PCDHGA7: variants seen among roughly 807,000 people sequenced by gnomAD.
PCDHGA7 encodes the protein protocadherin gamma subfamily A, 7.
A neutral mutation model predicts 58.3 loss-of-function variants in PCDHGA7; 44 were observed. The observed-to-expected ratio is 0.75, with a 90% CI of 0.59 to 0.97. The LOEUF (loss-of-function observed/expected upper bound fraction) is 0.97, where lower values mean the gene tolerates loss of function less well. Ranked by LOEUF, PCDHGA7 falls within the 50% of genes least tolerant of loss-of-function variation. PCDHGA7 has a pLI of 0.00. For synonymous variants in PCDHGA7, 516 were observed against 504.2 expected (o/e 1.02, Z -0.31); for missense variants, 1,266 against 1,188.7 (o/e 1.06, Z -0.96).
chr5:141,389,695 A>G, intron 1 of PCDHGA7: 1 of 1,612,564 alleles, frequency 6.2e-7, no homozygotes, highest in Non-Finnish European at 8.5e-7. Context: ...TGGCTGTCCT[A>G]CCACGTGCTG....
chr5:141,491,616 C>T lies in PCDHGA7; in HGVS notation c.2425-3191C>T. 1 of 1,613,944 alleles carries T rather than the reference C, an allele frequency of 6.2e-7. No homozygotes were observed. Among genetic ancestry groups the T allele is most frequent in the South Asian group, 1.1e-5 (1 of 91,082 alleles). On this transcript the variant is annotated intron_variant, in intron 1 of 3. Coordinates refer to ENST00000518325, the MANE Select transcript of PCDHGA7 (RefSeq NM_018920.4). The surrounding 1 kb of genome is among the most constrained non-coding windows in gnomAD (Gnocchi z 6.9). ...GCAGTGACTTCACTTTTCTAAGACC[C>T]CTCAGCGTTCAGCAGCCCACAGCTC...
chr5:141,421,548 G>A, intron 1 of PCDHGA7: 19 of 1,613,984 alleles, frequency 1.2e-5, no homozygotes, highest in Non-Finnish European at 1.6e-5. Flanking sequence ...TTTTAAATAT[G>A]GAACTTCTCG....
rs753202774 is a variant in PCDHGA7, at chr5:141,487,875, C to A, written c.2425-6932C>A. 33 of 828,628 alleles carry A rather than the reference C, an allele frequency of 4.0e-5. No individual in the cohort carries two copies. Among genetic ancestry groups the A allele is most frequent in the Non-Finnish European group, 5.8e-5 (31 of 536,030 alleles). The allele number at this position is 828,628 out of a possible 1,614,324, so 51.3% of individuals were successfully genotyped here. A position where few individuals can be genotyped will look rare whatever the true frequency, so the allele number is the denominator to read the frequency against. The stretch of plus-strand genomic sequence containing the variant: ...AAGTAATTGGTGATCAAGAGCCAGG[C>A]TGTTGTGGAAGCATGATGATGGAAT... On this transcript the variant is annotated intron_variant, in intron 1 of 3. Coordinates refer to ENST00000518325, the MANE Select transcript of PCDHGA7 (RefSeq NM_018920.4). The surrounding 1 kb of genome is among the most constrained non-coding windows in gnomAD (Gnocchi z 5.0).
At position 141,431,211 on chromosome 5, in the gene PCDHGA7, G is replaced by C. The variant is rs1054638121; in HGVS notation, c.2424+45888G>C. Reference sequence around the variant, plus strand: ...AGTGAAAATGCAGCCACTGAGATGCGGTTCCCTCTACCCCACGCCTGGGAT... The same window carrying C: ...AGTGAAAATGCAGCCACTGAGATGCCGTTCCCTCTACCCCACGCCTGGGAT... On this transcript the variant is annotated intron_variant, in intron 1 of 3. Coordinates refer to ENST00000518325, the MANE Select transcript of PCDHGA7 (RefSeq NM_018920.4). This position sits in a 1 kb window ranked among gnomAD's most constrained non-coding sequence, Gnocchi z 4.8. 1.2e-6 allele frequency: 2 copies of C among 1,614,122 alleles called. No individual in the cohort carries two copies. Among genetic ancestry groups the C allele is most frequent in the Non-Finnish European group, 1.7e-6 (2 of 1,180,036 alleles).
At position 141,386,477 on chromosome 5, in the gene PCDHGA7, G is replaced by A. The variant is rs78371655; in HGVS notation, c.2424+1154G>A. ...GACAGCTTGAACCCAAGAATTGGAG[G>A]CCCACCTAGATAATATAACAAGACT... is the stretch of plus-strand genomic sequence containing the variant. On this transcript the variant is annotated intron_variant, in intron 1 of 3. Coordinates refer to ENST00000518325, the MANE Select transcript of PCDHGA7 (RefSeq NM_018920.4). Among the ~76,000 whole-genome samples the A allele has an allele frequency of 2.5e-3, 384 of 151,668 alleles. 1 individual carries two copies. Among genetic ancestry groups the A allele is most frequent in the African/African-American group, 8.8e-3 (362 of 41,292 alleles).
At chr5:141,467,344 C>A (rs2099142230) in intron 1 of PCDHGA7, among the ~76,000 whole-genome samples, 1 of 152,122 alleles carries the variant, frequency 6.6e-6, no homozygotes, top group South Asian at 2.1e-4. Flanking sequence ...TAAGCCACTG[C>A]CCCCGGCCAA....
At chr5:141,414,882 C>T (rs759814512) in intron 1 of PCDHGA7, 7 of 1,614,104 alleles carry the variant, frequency 4.3e-6, no homozygotes, top group East Asian at 4.5e-5. Context: ...TCCTGTACCC[C>T]GCCCTCCCCA....
chr5:141,395,407 G>A (rs1467176036), intron 1 of PCDHGA7: 1 of 826,654 alleles, frequency 1.2e-6, no homozygotes, highest in Non-Finnish European at 1.8e-6. Context: ...ATAGTCATAG[G>A]TTATTGTTTC....
intron 1 of PCDHGA7, among the ~76,000 whole-genome samples, chr5:141,467,823 T>A (rs1225960296): frequency 1.3e-5 from 2 of 152,012 alleles, no homozygotes; most frequent in African/African-American, 2.4e-5. Flanking sequence ...CACACCAGGC[T>A]GATTTTTATA....
chr5:141,500,574 G>A (rs2099801457), intron 2 of PCDHGA7, among the ~76,000 whole-genome samples: 1 of 152,164 alleles, frequency 6.6e-6, no homozygotes, highest in African/African-American at 2.4e-5. Context: ...ACACTTTCAT[G>A]TGACACTTTA....
At chr5:141,475,884 G>C (rs998700290) in intron 1 of PCDHGA7, 1 of 557,810 alleles carries the variant, frequency 1.8e-6, no homozygotes, top group Non-Finnish European at 3.2e-6. Flanking sequence ...TATTGGCTGG[G>C]ACTCTGTGTG....
At chr5:141,480,703 C>G (rs577131684) in intron 1 of PCDHGA7, among the ~76,000 whole-genome samples, 1 of 152,134 alleles carries the variant, frequency 6.6e-6, no homozygotes, top group African/African-American at 2.4e-5. Context: ...GGCCACACCC[C>G]GACAAATGAA....
chr5:141,501,666 T>C (rs2099810374), intron 2 of PCDHGA7, among the ~76,000 whole-genome samples: 1 of 152,142 alleles, frequency 6.6e-6, no homozygotes. Context: ...TTGGAAAATA[T>C]AGATAATCAC....
chr5:141,422,916 C>T, intron 1 of PCDHGA7: 1 of 1,614,260 alleles, frequency 6.2e-7, no homozygotes, highest in Non-Finnish European at 8.5e-7. Context: ...CGCCCGAGAT[C>T]CTGTACCCTG....
intron 1 of PCDHGA7, among the ~76,000 whole-genome samples, chr5:141,458,513 G>T (rs968604511): frequency 6.8e-6 from 1 of 146,128 alleles, no homozygotes; most frequent in Non-Finnish European, 1.5e-5. Flanking sequence ...TTGACACTTT[G>T]TTTTTTTTTT....
intron 2 of PCDHGA7, among the ~76,000 whole-genome samples, chr5:141,497,213 G>A (rs1313220474): frequency 6.6e-6 from 1 of 152,126 alleles, no homozygotes; most frequent in Non-Finnish European, 1.5e-5. Flanking sequence ...GTGTAATGGG[G>A]GGGGGAAGAT....
At chr5:141,474,090 AAACAACAACAAAAAC>A (rs1459798801) in intron 1 of PCDHGA7, among the ~76,000 whole-genome samples, 1 of 152,206 alleles carries the variant, frequency 6.6e-6, no homozygotes, top group African/African-American at 2.4e-5. Flanking sequence ...ACCAAAAAAC[AAACAACAACAAAAAC>A]AACAACAACG....
At chr5:141,505,523 G>C in intron 3 of PCDHGA7, 42 bp downstream of exon 3, 2 of 1,612,760 alleles carry the variant, frequency 1.2e-6, no homozygotes, top group South Asian at 2.2e-5. Context: ...GGGAGACCTG[G>C]GGTTCTGGGG....
In PCDHGA7 at chr5:141,389,981, G is replaced by T. The variant is rs750738084; in HGVS notation, c.2424+4658G>T. On this transcript the variant is annotated intron_variant, in intron 1 of 3. Transcript: ENST00000518325. ...TGGTGGCCTTGGCCTTGATCTCAGT[G>T]CTCTTCCTCGTGGCCATGATTCTGG... The T allele has an allele frequency of 2.5e-6, 4 of 1,614,006 alleles. No homozygotes were observed. The South Asian group carries it at 4.4e-5, about 18-fold the overall frequency.
Sources: gnomAD v4.1 joint callset for allele counts (sites outside exome capture counted in the v4.1 genomes callset) on GRCh38, gnomAD v4.1.1 for gene constraint, Gnocchi (gnomAD v3.1) non-coding constraint, MANE v1.5 for transcripts, NCBI Gene and HGNC (gene_info 2026-07-23, HGNC 2026-07-21) for gene names.